The following SLC9A9 variants were observed in gnomAD, a reference collection of about 807,000 sequenced individuals.
SLC9A9 encodes solute carrier family 9 member A9, also known as sodium/hydrogen exchanger 9.
SLC9A9 carries 62 observed loss-of-function variants against 77.8 expected under a neutral mutation model. The ratio of observed to expected loss-of-function variants is 0.80; its 90% CI spans 0.65 to 0.98. SLC9A9 has a LOEUF of 0.98. Ranked by LOEUF, SLC9A9 falls within the 50% of genes least tolerant of loss-of-function variation. The pLI is 0.00. For missense variants in SLC9A9, 775 were observed against 774.9 expected, an observed-to-expected ratio of 1.00 and a Z score of 0.00; for synonymous variants, 320 against 283.5, an observed-to-expected ratio of 1.13 and a Z score of -1.29.
intron 12 of SLC9A9, among the ~76,000 whole-genome samples, chr3:143,436,144 C>T (rs2034617755): frequency 6.6e-6 from 1 of 152,130 alleles, no homozygotes; most frequent in South Asian, 2.1e-4. Context: ...GTCCGGACAT[C>T]AGGGCTGGGG....
intron 9 of SLC9A9, among the ~76,000 whole-genome samples, chr3:143,546,996 T>A (rs1559962221): frequency 6.6e-6 from 1 of 152,246 alleles, no homozygotes; most frequent in Non-Finnish European, 1.5e-5. Context: ...CTGTCATCAG[T>A]GATGTTCATT....
At chr3:143,339,623 T>C (rs966600057) in intron 14 of SLC9A9, among the ~76,000 whole-genome samples, 1 of 152,194 alleles carries the variant, frequency 6.6e-6, no homozygotes, top group African/African-American at 2.4e-5. Flanking sequence ...TCCCGTCACA[T>C]TGTATTGCCA....
chr3:143,611,701 T>C (rs2038024958), intron 6 of SLC9A9, among the ~76,000 whole-genome samples: 1 of 152,116 alleles, frequency 6.6e-6, no homozygotes, highest in Admixed American at 6.5e-5. Flanking sequence ...TCAAGTATAA[T>C]AATGTTATAC....
intron 14 of SLC9A9, chr3:143,343,537 GA>G (rs2032173473): frequency 6.6e-6 from 1 of 152,144 alleles, no homozygotes; most frequent in Non-Finnish European, 1.5e-5. Context: ...ACTACAGAGA[GA>G]AAACTGCAGG....
intron 14 of SLC9A9, among the ~76,000 whole-genome samples, chr3:143,302,143 A>T (rs371275677): frequency 1.7e-4 from 26 of 152,296 alleles, no homozygotes; most frequent in African/African-American, 6.3e-4. Context: ...AATCTTTTGC[A>T]ACTCTGGATT....
Position 143,435,231 on chromosome 3 carries a change from T to C in SLC9A9, c.1469+31806A>G, listed in dbSNP as rs1028396057. 2.0e-5 allele frequency among the ~76,000 whole-genome samples: 3 copies of C among 152,200 alleles called. No homozygotes were observed. In the East Asian group the frequency reaches 5.8e-4, roughly 29 times the overall value. On this transcript the variant is annotated intron_variant, in intron 12 of 15. Coordinates refer to ENST00000316549, the MANE Select transcript of SLC9A9 (RefSeq NM_173653.4). ...ACCTGGTTATACTGTAAGCATCTTGTAGCCAGAACTCATGACTGGTTTGTT... is the reference window on the plus strand; with the variant it reads ...ACCTGGTTATACTGTAAGCATCTTGCAGCCAGAACTCATGACTGGTTTGTT...
At chr3:143,702,521 G>A (rs964861663) in intron 4 of SLC9A9, among the ~76,000 whole-genome samples, 1 of 150,800 alleles carries the variant, frequency 6.6e-6, no homozygotes, top group Non-Finnish European at 1.5e-5. Context: ...TTACAAGATA[G>A]TATTTGCAAG....
chr3:143,464,967 T>A (rs1300288619), intron 12 of SLC9A9, among the ~76,000 whole-genome samples: 1 of 152,224 alleles, frequency 6.6e-6, no homozygotes, highest in Non-Finnish European at 1.5e-5. Flanking sequence ...TGCCCTGATG[T>A]CAGATTTATA....
At chr3:143,277,098 T>A (rs185092527) in intron 14 of SLC9A9, among the ~76,000 whole-genome samples, 273 of 152,140 alleles carry the variant, frequency 1.8e-3, no homozygotes, top group African/African-American at 6.1e-3. Context: ...GAAAGGGCAG[T>A]GGAGTTGGTT....
chr3:143,594,292 A>G (rs115719293), intron 6 of SLC9A9, among the ~76,000 whole-genome samples: 20 of 152,306 alleles, frequency 1.3e-4, no homozygotes, highest in Non-Finnish European at 2.8e-4. Flanking sequence ...TTTCAGCAAA[A>G]TGTTCGATGT....
chr3:143,781,182 A>G (rs1164070168), intron 4 of SLC9A9, among the ~76,000 whole-genome samples: 2 of 152,216 alleles, frequency 1.3e-5, no homozygotes, highest in Non-Finnish European at 2.9e-5. Context: ...TGCACATTCT[A>G]TGTGGACACT....
chr3:143,610,407 A>G (rs2038005703), intron 6 of SLC9A9, among the ~76,000 whole-genome samples: 1 of 152,200 alleles, frequency 6.6e-6, no homozygotes, highest in Admixed American at 6.5e-5. Context: ...TTCGCCTCTC[A>G]AAGTGCTGGG....
intron 4 of SLC9A9, among the ~76,000 whole-genome samples, chr3:143,789,993 T>G (rs1009771538): frequency 6.6e-6 from 1 of 152,182 alleles, no homozygotes; most frequent in African/African-American, 2.4e-5. Flanking sequence ...TCATGTTGAA[T>G]AGTAATCTGA....
intron 12 of SLC9A9, among the ~76,000 whole-genome samples, chr3:143,410,081 C>T (rs2034063177): frequency 6.6e-6 from 1 of 152,218 alleles, no homozygotes; most frequent in Admixed American, 6.5e-5. Context: ...TTGTCTCTTT[C>T]TACCCCTTAA....
chr3:143,386,989 C>T lies in SLC9A9; in HGVS notation c.1470-4875G>A, dbSNP rs375095993. 8.5e-5 allele frequency among the ~76,000 whole-genome samples: 13 copies of T among 152,244 alleles called. No individual in the cohort carries two copies. In the East Asian group the frequency reaches 1.4e-3, roughly 16 times the overall value. On this transcript the variant is annotated intron_variant, in intron 12 of 15. Coordinates refer to ENST00000316549, the MANE Select transcript of SLC9A9 (RefSeq NM_173653.4). ...CTGAGTAGCTGGGATTATAGGCGTA[C>T]GCCACCACACCCAGCTGATTTTTGT...
intron 9 of SLC9A9, among the ~76,000 whole-genome samples, chr3:143,527,102 C>T (rs1036417589): frequency 6.6e-6 from 1 of 152,200 alleles, no homozygotes; most frequent in Non-Finnish European, 1.5e-5. Context: ...GTCTAATCCA[C>T]AAGCCTATAG....
chr3:143,848,429 C>G lies in SLC9A9; in HGVS notation c.-107G>C. ...CCTGAGAATTTCAGAAGAAACACTG[C>G]CACTTTAGTTGCTACTTCACAAGCA... On this transcript the variant is annotated 5_prime_UTR_variant, in exon 1 of 16. Transcript: ENST00000316549. The G allele has an allele frequency of 7.0e-7, 1 of 1,425,904 alleles. No individual in the cohort carries two copies. 88.3% of individuals were successfully genotyped at this position (1,425,904 alleles called of 1,614,324 possible). A position where few individuals can be genotyped will look rare whatever the true frequency, so the allele number is the denominator to read the frequency against.
intron 1 of SLC9A9, among the ~76,000 whole-genome samples, chr3:143,846,525 T>C (rs959778281): frequency 6.6e-6 from 1 of 152,088 alleles, no homozygotes; most frequent in Non-Finnish European, 1.5e-5. Flanking sequence ...GATTTTTTTT[T>C]TCTCTTAAAT....
rs140945460 is a variant in SLC9A9 at position 143,310,571 on chromosome 3, C to A, written c.1605-41591G>T. Reference sequence around the variant, plus strand: ...CCCGAATTTAGAATCTAAGTTTGTACGAATTTTAGAAATGGAGACTTTCTG... The same window carrying A: ...CCCGAATTTAGAATCTAAGTTTGTAAGAATTTTAGAAATGGAGACTTTCTG... On this transcript the variant is annotated intron_variant, in intron 14 of 15. Coordinates refer to ENST00000316549, the MANE Select transcript of SLC9A9 (RefSeq NM_173653.4). Among the ~76,000 whole-genome samples, 3 of 150,244 alleles carry A rather than the reference C, an allele frequency of 2.0e-5. No individual in the cohort carries two copies. The East Asian group carries it at 5.8e-4, about 29-fold the overall frequency.
Sources: gnomAD v4.1 joint callset for allele counts (sites outside exome capture counted in the v4.1 genomes callset) on GRCh38, gnomAD v4.1.1 for gene constraint, MANE v1.5 for transcripts, NCBI Gene and HGNC (gene_info 2026-07-23, HGNC 2026-07-21) for gene names.